Variants in ST18 observed in about 807,000 individuals in gnomAD.
The protein encoded by ST18 is suppression of tumorigenicity 18 protein.
Under a neutral mutation model 110.0 loss-of-function variants are expected in ST18, and 50 were observed. The ratio of observed to expected loss-of-function variants is 0.45; its 90% CI spans 0.36 to 0.58. The LOEUF (loss-of-function observed/expected upper bound fraction) is 0.58, where lower values mean the gene tolerates loss of function less well. ST18 is among the 20% of genes least tolerant of loss of function. ST18 has a pLI of 0.00. For synonymous variants in ST18, 461 were observed against 452.4 expected, an observed-to-expected ratio of 1.02 and a Z score of -0.24; for missense variants, 1,306 against 1,280.1, an observed-to-expected ratio of 1.02 and a Z score of -0.31.
intron 9 of ST18, among the ~76,000 whole-genome samples, chr8:52,178,522 C>A (rs2067816833): frequency 7.0e-6 from 1 of 141,914 alleles, no homozygotes; most frequent in Non-Finnish European, 1.5e-5. Flanking sequence ...GAGGCTGAGG[C>A]AGGAGAATTG....
In ST18 at chr8:52,214,185, A is replaced by G; in HGVS notation, c.55+18T>C. 4 of 1,613,888 alleles carry G rather than the reference A, an allele frequency of 2.5e-6. No individual in the cohort carries two copies. Among genetic ancestry groups the G allele is most frequent in the African/African-American group, 1.3e-5 (1 of 75,016 alleles). Reference sequence around the variant, plus strand: ...GGTGTGGTGGGCATAGTGTCATAGAACCTGCTTGCTAACTCACCCTCGGTT... The same window carrying G: ...GGTGTGGTGGGCATAGTGTCATAGAGCCTGCTTGCTAACTCACCCTCGGTT... On this transcript the variant is annotated intron_variant, in intron 7 of 25. Transcript: ENST00000689386.
chr8:52,296,096 C>T (rs1028292506), intron 2 of ST18, among the ~76,000 whole-genome samples: 1 of 151,976 alleles, frequency 6.6e-6, no homozygotes, highest in African/African-American at 2.4e-5. Context: ...AGCTGCTTGG[C>T]GTCATTTTGT....
chr8:52,354,033 C>A (rs557971412), intron 2 of ST18, among the ~76,000 whole-genome samples: 1 of 152,242 alleles, frequency 6.6e-6, no homozygotes, highest in African/African-American at 2.4e-5. Context: ...GGCCTTCACT[C>A]TCCCAGCCCA....
chr8:52,143,786 C>A (rs1466752905), intron 16 of ST18, among the ~76,000 whole-genome samples: 1 of 152,164 alleles, frequency 6.6e-6, no homozygotes, highest in Non-Finnish European at 1.5e-5. Flanking sequence ...ATCACACAAA[C>A]TTTTAGACAG....
intron 13 of ST18, among the ~76,000 whole-genome samples, chr8:52,162,863 C>T (rs1203813344): frequency 2.0e-5 from 3 of 152,070 alleles, no homozygotes; most frequent in Non-Finnish European, 4.4e-5. Flanking sequence ...CATCAGAATG[C>T]CAAAGTTTCC....
chr8:52,119,446 T>C (rs138876866), intron 23 of ST18, among the ~76,000 whole-genome samples: 2 of 152,220 alleles, frequency 1.3e-5, no homozygotes, highest in African/African-American at 4.8e-5. Flanking sequence ...ATAGGAGCAA[T>C]TTCATGAGAG....
At position 52,297,183 on chromosome 8, in the gene ST18, G is replaced by C. The variant is rs540591072; in HGVS notation, c.-464-67106C>G. On this transcript the variant is annotated intron_variant, in intron 2 of 25. Coordinates refer to ENST00000689386, the MANE Select transcript of ST18 (RefSeq NM_001352837.2). ...GACAGTGCAGTGCAGCGCAGGCTGT[G>C]GGGGGTGCAGTCCGCACACAGGCTC... Among the ~76,000 whole-genome samples the C allele has an allele frequency of 1.2e-3, 180 of 152,276 alleles. 1 individual carries two copies. The Middle Eastern group carries it at 0.014, about 12-fold the overall frequency.
Position 52,113,174 on chromosome 8 carries a change from C to T in ST18, c.*24G>A, listed in dbSNP as rs762280836. ...TGGAGTTTACTGCTGTTGGTAACTT[C>T]TGTTGCCCGGCAGCGCTGTGATCCT... On this transcript the variant is annotated 3_prime_UTR_variant, in exon 26 of 26. Transcript: ENST00000689386. The T allele has an allele frequency of 1.2e-6, 2 of 1,612,502 alleles. No individual in the cohort carries two copies. The highest frequency in any genetic ancestry group is 2.2e-5 in the South Asian group (2 of 90,922).
At position 52,137,279 on chromosome 8, in the gene ST18, T is replaced by G. The variant is rs2052826422; in HGVS notation, c.2231+142A>C. On this transcript the variant is annotated intron_variant, in intron 18 of 25. Coordinates refer to ENST00000689386, the MANE Select transcript of ST18 (RefSeq NM_001352837.2). ...TCATGATTTTTATATCACATAATTT[T>G]ATTTCTGAAAAAGAAAATAAACCAA... 1.2e-5 allele frequency: 10 copies of G among 810,032 alleles called. No individual in the cohort carries two copies. The East Asian group carries it at 2.7e-4, about 22-fold the overall frequency. 50.2% of individuals were successfully genotyped at this position (810,032 alleles called of 1,614,324 possible).
In ST18 at chr8:52,250,774, T is replaced by C. The variant is rs141703158; in HGVS notation, c.-464-20697A>G. Among the ~76,000 whole-genome samples, 501 of 152,222 alleles carry C rather than the reference T, an allele frequency of 3.3e-3. 2 individuals are homozygous for C. The highest frequency in any genetic ancestry group is 0.012 in the African/African-American group (483 of 41,542). ...ACTGGCCACCAAGAGATATTTACTT[T>C]GCTGGGAAAGGTGAGCTATACATTT... On this transcript the variant is annotated intron_variant, in intron 2 of 25. Transcript: ENST00000689386.
chr8:52,362,463 C>T (rs1041326970), intron 2 of ST18, among the ~76,000 whole-genome samples: 2 of 152,144 alleles, frequency 1.3e-5, no homozygotes, highest in Non-Finnish European at 2.9e-5. Context: ...AATTTATCTT[C>T]TCTTTGCCTA....
At chr8:52,305,851 C>T (rs540629348) in intron 2 of ST18, among the ~76,000 whole-genome samples, 1 of 152,350 alleles carries the variant, frequency 6.6e-6, no homozygotes, top group Admixed American at 6.5e-5. Flanking sequence ...GGACTCCTGG[C>T]TTGCACCATT....
At chr8:52,150,627 G>A (rs1195645809) in intron 15 of ST18, among the ~76,000 whole-genome samples, 4 of 152,174 alleles carry the variant, frequency 2.6e-5, no homozygotes, top group Non-Finnish European at 5.9e-5. Flanking sequence ...CGGTGGTGGT[G>A]GGGGCGGTGC....
chr8:52,193,308 T>C (rs749565141), intron 8 of ST18, among the ~76,000 whole-genome samples: 2 of 152,210 alleles, frequency 1.3e-5, no homozygotes, highest in Admixed American at 6.5e-5. Flanking sequence ...AAGGTACACA[T>C]CTTCCCTACT....
rs1841084472 is a variant in ST18, at chr8:52,396,247, CAT to C, written c.-465+13079_-465+13080del. ...TAAATCTCTAGACTTTTTCATTCTA[CAT>C]ATGACTACTTTATTTTTTTGACCTA... is the stretch of plus-strand genomic sequence containing the variant. On this transcript the variant is annotated intron_variant, in intron 2 of 25. Transcript: ENST00000689386. 3.3e-5 allele frequency among the ~76,000 whole-genome samples: 5 copies of C among 152,274 alleles called. No homozygotes were observed. The South Asian group carries it at 1.0e-3, about 32-fold the overall frequency.
chr8:52,195,458 G>C (rs892175844), intron 8 of ST18, among the ~76,000 whole-genome samples: 1 of 150,720 alleles, frequency 6.6e-6, no homozygotes, highest in Admixed American at 6.6e-5. Context: ...AAAACTATTA[G>C]GAAAAATTAA....
chr8:52,122,746 C>T (rs571733630), intron 23 of ST18, among the ~76,000 whole-genome samples: 1 of 152,206 alleles, frequency 6.6e-6, no homozygotes, highest in South Asian at 2.1e-4. Flanking sequence ...CTCGGCCTCC[C>T]AAAGTTCTGG....
Position 52,307,414 on chromosome 8 carries a change from C to T in ST18, c.-464-77337G>A, listed in dbSNP as rs559116137. On this transcript the variant is annotated intron_variant, in intron 2 of 25. Coordinates refer to ENST00000689386, the MANE Select transcript of ST18 (RefSeq NM_001352837.2). ...CTTTTGGGTATTCTGTCAAAGTCCA[C>T]GTTAAACAATAATCTTTAGTTACTA... 1.8e-3 allele frequency among the ~76,000 whole-genome samples: 275 copies of T among 152,190 alleles called. 1 individual carries two copies. The highest frequency in any genetic ancestry group is 3.2e-3 in the Non-Finnish European group (220 of 68,002).
In ST18 at chr8:52,231,502, G is replaced by A. The variant is rs1015319689; in HGVS notation, c.-464-1425C>T. Reference sequence around the variant, plus strand: ...CTGGGTGGCTTTTTTTTTTTTTGACGGAGTCTTGCTCTGTCACCAGGCTGG... The same window carrying A: ...CTGGGTGGCTTTTTTTTTTTTTGACAGAGTCTTGCTCTGTCACCAGGCTGG... On this transcript the variant is annotated intron_variant, in intron 2 of 25. Coordinates refer to ENST00000689386, the MANE Select transcript of ST18 (RefSeq NM_001352837.2). 2.7e-5 allele frequency among the ~76,000 whole-genome samples: 4 copies of A among 149,690 alleles called. No individual in the cohort carries two copies. The East Asian group carries it at 7.8e-4, about 29-fold the overall frequency.
Sources: gnomAD v4.1 joint callset for allele counts (sites outside exome capture counted in the v4.1 genomes callset) on GRCh38, gnomAD v4.1.1 for gene constraint, MANE v1.5 for transcripts, NCBI Gene and HGNC (gene_info 2026-07-23, HGNC 2026-07-21) for gene names.